Variants in UNC5D observed in about 807,000 individuals in gnomAD.
The protein encoded by UNC5D is unc-5 netrin receptor D.
In UNC5D, 39 loss-of-function variants were observed where a neutral mutation model predicts 105.4. The ratio of observed to expected loss-of-function variants is 0.37; its 90% CI spans 0.29 to 0.48. The LOEUF (loss-of-function observed/expected upper bound fraction) is 0.48, where lower values mean the gene tolerates loss of function less well. Among genes scored for constraint, UNC5D ranks in the 20% least tolerant of loss-of-function variants. The probability of loss-of-function intolerance (pLI) is 0.98; values close to 1 mark genes in which losing one functional copy is unlikely to be tolerated. For synonymous variants in UNC5D, 452 were observed against 450.4 expected (o/e 1.00, Z -0.04); for missense variants, 991 against 1,202.4 (o/e 0.82, Z 2.60).
chr8:35,290,818 C>T (rs747576167), intron 1 of UNC5D, among the ~76,000 whole-genome samples: 37 of 151,788 alleles, frequency 2.4e-4, no homozygotes, highest in African/African-American at 4.8e-4. Context: ...TGTGGTAGTG[C>T]GTGCCTGTAA....
At chr8:35,562,787 C>T (rs1196028506) in intron 2 of UNC5D, among the ~76,000 whole-genome samples, 1 of 151,942 alleles carries the variant, frequency 6.6e-6, no homozygotes. Flanking sequence ...ATTTCCTTTG[C>T]TGTTCAGAAG....
chr8:35,567,088 A>C (rs549878592), intron 2 of UNC5D, among the ~76,000 whole-genome samples: 18 of 152,170 alleles, frequency 1.2e-4, no homozygotes, highest in African/African-American at 3.9e-4. Flanking sequence ...AAAAAAAAAA[A>C]ACCATTAAAA....
chr8:35,690,263 G>A (rs1219089907), intron 7 of UNC5D, among the ~76,000 whole-genome samples: 1 of 152,106 alleles, frequency 6.6e-6, no homozygotes, highest in African/African-American at 2.4e-5. Flanking sequence ...GTGGGAAACG[G>A]GTGTGTTTGT....
chr8:35,330,746 G>GA (rs1203266645), intron 1 of UNC5D, among the ~76,000 whole-genome samples: 1 of 152,174 alleles, frequency 6.6e-6, no homozygotes, highest in Non-Finnish European at 1.5e-5. Flanking sequence ...GGGCTGCAAT[G>GA]AAAAAACCTA....
chr8:35,270,097 A>G (rs1805173901), intron 1 of UNC5D, among the ~76,000 whole-genome samples: 1 of 152,170 alleles, frequency 6.6e-6, no homozygotes. Context: ...AAGAAATGAA[A>G]CTGAGGCAAC....
At chr8:35,550,413 C>T (rs1816038189) in intron 2 of UNC5D, among the ~76,000 whole-genome samples, 1 of 152,154 alleles carries the variant, frequency 6.6e-6, no homozygotes, top group African/African-American at 2.4e-5. Context: ...AATCTGGTCA[C>T]ACGTTAGATT....
intron 4 of UNC5D, among the ~76,000 whole-genome samples, chr8:35,670,787 T>TGATA (rs1824739738): frequency 1.3e-5 from 2 of 151,990 alleles, no homozygotes; most frequent in Admixed American, 1.3e-4. Flanking sequence ...GATGACAGGT[T>TGATA]GATAGGTGTA....
Position 35,549,435 on chromosome 8 carries a change from A to ATATTCT in UNC5D, c.249_254dup (p.Phe84_Phe85insLeuPhe). ...GTGCAAAGCGAGGCCAGCCATGCAGATATTCTTCAAATGCAACGGCGAGTG... is the reference window on the plus strand; with the variant it reads ...GTGCAAAGCGAGGCCAGCCATGCAGATATTCTTATTCTTCAAATGCAACGGCGAGTG... On this transcript the variant is annotated inframe_insertion, in exon 2 of 17. Coordinates refer to ENST00000404895, the MANE Select transcript of UNC5D (RefSeq NM_080872.4). 6.2e-7 allele frequency: 1 copy of ATATTCT among 1,613,146 alleles called. No homozygotes were observed. The highest frequency in any genetic ancestry group is 8.5e-7 in the Non-Finnish European group (1 of 1,180,022).
intron 1 of UNC5D, among the ~76,000 whole-genome samples, chr8:35,429,247 G>C (rs909267948): frequency 6.6e-6 from 1 of 152,122 alleles, no homozygotes; most frequent in Non-Finnish European, 1.5e-5. Context: ...AGGTCAGGAA[G>C]TGTTGTGCTA....
intron 3 of UNC5D, among the ~76,000 whole-genome samples, chr8:35,574,180 C>T (rs913406565): frequency 8.5e-5 from 13 of 152,140 alleles, no homozygotes; most frequent in South Asian, 8.3e-4. Context: ...CCTTCTTCTT[C>T]ATCTGCTTAT....
chr8:35,729,080 A>G (rs561952822), intron 10 of UNC5D, among the ~76,000 whole-genome samples: 75 of 152,312 alleles, frequency 4.9e-4, no homozygotes, highest in African/African-American at 1.8e-3. Context: ...GAAAGATAAC[A>G]CCATTTCTGA....
intron 1 of UNC5D, among the ~76,000 whole-genome samples, chr8:35,376,081 T>G (rs939612875): frequency 2.6e-5 from 4 of 152,180 alleles, no homozygotes; most frequent in Non-Finnish European, 2.9e-5. Flanking sequence ...CTTACCACTT[T>G]CTATCTCAAG....
chr8:35,546,502 G>A (rs940799575), intron 1 of UNC5D, among the ~76,000 whole-genome samples: 15 of 152,300 alleles, frequency 9.8e-5, no homozygotes, highest in African/African-American at 3.6e-4. Flanking sequence ...CAGATTGCAT[G>A]TCTGTACGTG....
chr8:35,395,168 G>A (rs1212729951), intron 1 of UNC5D, among the ~76,000 whole-genome samples: 2 of 152,186 alleles, frequency 1.3e-5, no homozygotes, highest in African/African-American at 4.8e-5. Flanking sequence ...TTGGAAGAAA[G>A]ACCTTTTATT....
intron 1 of UNC5D, among the ~76,000 whole-genome samples, chr8:35,373,168 G>A (rs74909495): frequency 2.4e-4 from 36 of 152,238 alleles, no homozygotes; most frequent in Non-Finnish European, 3.8e-4. Context: ...CATCACTAAT[G>A]CTCAGCCTAT....
chr8:35,722,510 C>T (rs2131538258), intron 9 of UNC5D, 115 bp downstream of exon 9: 1 of 1,372,194 alleles, frequency 7.3e-7, no homozygotes, highest in African/African-American at 1.4e-5. Context: ...CTGGGAGCCG[C>T]TACCAAATTG....
chr8:35,439,022 C>G (rs1807221486), intron 1 of UNC5D, among the ~76,000 whole-genome samples: 1 of 151,634 alleles, frequency 6.6e-6, no homozygotes, highest in Admixed American at 6.6e-5. Context: ...AGCTCTGGTT[C>G]ATACATTGAT....
chr8:35,615,961 C>G (rs1016828133), intron 4 of UNC5D, among the ~76,000 whole-genome samples: 1 of 152,182 alleles, frequency 6.6e-6, no homozygotes, highest in African/African-American at 2.4e-5. Context: ...TTAAAGCTAC[C>G]ATTTGTTGAT....
intron 16 of UNC5D, among the ~76,000 whole-genome samples, chr8:35,776,374 G>T (rs962284009): frequency 1.3e-5 from 2 of 152,218 alleles, no homozygotes; most frequent in African/African-American, 4.8e-5. Flanking sequence ...GAATAAGCAT[G>T]TACATGTTCC....
Sources: gnomAD v4.1 joint callset for allele counts (sites outside exome capture counted in the v4.1 genomes callset) on GRCh38, gnomAD v4.1.1 for gene constraint, MANE v1.5 for transcripts, NCBI Gene and HGNC (gene_info 2026-07-23, HGNC 2026-07-21) for gene names.